The following PIK3C2G variants were observed in gnomAD, a reference collection of about 807,000 sequenced individuals.
The protein encoded by PIK3C2G is phosphatidylinositol 3-kinase C2 domain-containing subunit gamma.
Under a neutral mutation model 181.1 loss-of-function variants are expected in PIK3C2G, and 168 were observed. That is an observed-to-expected ratio of 0.93 (90% CI 0.82 to 1.05). The LOEUF (loss-of-function observed/expected upper bound fraction) is 1.05, where lower values mean the gene tolerates loss of function less well. Among genes scored for constraint, PIK3C2G ranks in the 50% least tolerant of loss-of-function variants. The pLI is 0.00. For synonymous variants in PIK3C2G, 573 were observed against 592.2 expected (o/e 0.97, Z 0.47); for missense variants, 1,869 against 1,732.8 (o/e 1.08, Z -1.40).
the PIK3C2G span, among the ~76,000 whole-genome samples, chr12:18,722,191 C>T: frequency 1.6e-5 from 2 of 122,296 alleles, no homozygotes; most frequent in African/African-American, 3.1e-5. Flanking sequence ...AACTAGGCCT[C>T]CCAGGTCATT....
intron 29 of PIK3C2G, among the ~76,000 whole-genome samples, chr12:18,570,140 C>A (rs180986458): frequency 6.6e-6 from 1 of 151,988 alleles, no homozygotes; most frequent in Non-Finnish European, 1.5e-5. Flanking sequence ...CCATGATCAA[C>A]GGCTCTTCTC....
intron 26 of PIK3C2G, among the ~76,000 whole-genome samples, chr12:18,554,382 T>A (rs1420266487): frequency 6.6e-6 from 1 of 152,084 alleles, no homozygotes; most frequent in East Asian, 1.9e-4. Context: ...CATACCACGC[T>A]ATCAAAGCCC....
intron 29 of PIK3C2G, among the ~76,000 whole-genome samples, chr12:18,592,320 A>T (rs914229726): frequency 6.6e-6 from 1 of 151,946 alleles, no homozygotes; most frequent in East Asian, 1.9e-4. Context: ...TCCACAAAAA[A>T]GTCTCAGAAG....
intron 31 of PIK3C2G, among the ~76,000 whole-genome samples, chr12:18,627,481 T>A (rs1949154389): frequency 6.6e-6 from 1 of 152,132 alleles, no homozygotes; most frequent in Non-Finnish European, 1.5e-5. Context: ...TGTGCATTTG[T>A]GGAGGCAGCC....
intron 12 of PIK3C2G, among the ~76,000 whole-genome samples, chr12:18,365,401 G>A (rs1361088283): frequency 1.3e-5 from 2 of 151,994 alleles, no homozygotes; most frequent in South Asian, 2.1e-4. Context: ...TCTTTTCTCT[G>A]CTCTATAACA....
chr12:18,598,385 A>G (rs1947499368), intron 30 of PIK3C2G, among the ~76,000 whole-genome samples: 1 of 151,808 alleles, frequency 6.6e-6, no homozygotes, highest in Admixed American at 6.6e-5. Flanking sequence ...CCTGAGAAAA[A>G]CAAGCAATGG....
intron 29 of PIK3C2G, among the ~76,000 whole-genome samples, chr12:18,578,567 T>C (rs1207875664): frequency 6.6e-6 from 1 of 152,138 alleles, no homozygotes; most frequent in Admixed American, 6.5e-5. Flanking sequence ...TTGTTTATAT[T>C]CAAGAAATAA....
In PIK3C2G at chr12:18,292,226, AAAT is replaced by A. The variant is rs1484915153; in HGVS notation, c.919+1216_919+1218del. On this transcript the variant is annotated intron_variant, in intron 4 of 32. Transcript: ENST00000538779. ...ACTCCATCTCAAAAAAAAAAAAAAAAAATATATATATATATATATATATATATA... is the reference window on the plus strand; with the variant it reads ...ACTCCATCTCAAAAAAAAAAAAAAAAATATATATATATATATATATATATA... 2.8e-3 allele frequency among the ~76,000 whole-genome samples: 269 copies of A among 96,350 alleles called. 3 individuals carry two copies. In the East Asian group the frequency reaches 0.038, roughly 14 times the overall value. 63.2% of individuals were successfully genotyped at this position (96,350 alleles called of 152,430 possible).
chr12:18,646,036 C>A (rs1053598065), intron 32 of PIK3C2G, among the ~76,000 whole-genome samples: 4 of 152,108 alleles, frequency 2.6e-5, no homozygotes, highest in African/African-American at 9.7e-5. Context: ...AAGGAGTTTA[C>A]TCTGAAGTCC....
chr12:18,262,637 T>C (rs1477258104), intron 1 of PIK3C2G, among the ~76,000 whole-genome samples: 1 of 151,422 alleles, frequency 6.6e-6, no homozygotes, highest in Non-Finnish European at 1.5e-5. Flanking sequence ...AAAGACAACT[T>C]CTACCTCCTA....
At chr12:18,275,766 C>T (rs928050477) in intron 1 of PIK3C2G, among the ~76,000 whole-genome samples, 12 of 152,158 alleles carry the variant, frequency 7.9e-5, no homozygotes, top group Admixed American at 5.9e-4. Flanking sequence ...GTATGGAAAC[C>T]AATTCAAAGA....
At chr12:18,541,279 T>C (rs374341938) in intron 25 of PIK3C2G, among the ~76,000 whole-genome samples, 4 of 152,028 alleles carry the variant, frequency 2.6e-5, no homozygotes, top group African/African-American at 7.2e-5. Flanking sequence ...TCTCCAGATA[T>C]CCATATTGCT....
rs1323074371 is a variant in PIK3C2G, at chr12:18,303,152, C to CTTTTCTT, written c.1034+9139_1034+9140insTTCTTTT. 1.7e-4 allele frequency among the ~76,000 whole-genome samples: 12 copies of CTTTTCTT among 72,704 alleles called. No individual in the cohort carries two copies. In the East Asian group the frequency reaches 4.1e-3, roughly 25 times the overall value. 47.7% of individuals were successfully genotyped at this position (72,704 alleles called of 152,430 possible). A position where few individuals can be genotyped will look rare whatever the true frequency, so the allele number is the denominator to read the frequency against. On this transcript the variant is annotated intron_variant, in intron 5 of 32. Transcript: ENST00000538779. Reference sequence around the variant, plus strand: ...TTTCTTTCTTTCTTTTCTTTTCTTTCTTCTTTCTCTTTCTTTCTTTCTCTT... The same window carrying CTTTTCTT: ...TTTCTTTCTTTCTTTTCTTTTCTTTCTTTTCTTTTCTTTCTCTTTCTTTCTTTCTCTT...
intron 30 of PIK3C2G, among the ~76,000 whole-genome samples, chr12:18,599,771 T>G (rs116008349): frequency 0.016 from 2,406 of 151,934 alleles, 71 homozygotes; most frequent in African/African-American, 0.055. Context: ...ATAGGTATAT[T>G]AGGCAAAGCA....
At chr12:18,711,883 C>T in the PIK3C2G span, among the ~76,000 whole-genome samples, 1 of 151,864 alleles carries the variant, frequency 6.6e-6, no homozygotes, top group Non-Finnish European at 1.5e-5. Flanking sequence ...GAATCAGTGC[C>T]ATACTCTCAA....
intron 1 of PIK3C2G, among the ~76,000 whole-genome samples, chr12:18,276,561 T>C (rs963244013): frequency 1.3e-5 from 2 of 152,218 alleles, no homozygotes; most frequent in Non-Finnish European, 2.9e-5. Flanking sequence ...AATTTTACTT[T>C]TGCTTTTTCC....
At chr12:18,695,663 T>C in the PIK3C2G span, among the ~76,000 whole-genome samples, 1 of 152,072 alleles carries the variant, frequency 6.6e-6, no homozygotes. Flanking sequence ...CCTGGTACTT[T>C]CTGATGGGTT....
At chr12:18,693,440 G>T in the PIK3C2G span, 1 of 1,604,966 alleles carries the variant, frequency 6.2e-7, no homozygotes, top group Non-Finnish European at 8.5e-7. Context: ...CTCCAAGGGG[G>T]TCATTCTCTG....
Position 18,478,498 on chromosome 12 carries a change from T to A in PIK3C2G, c.2505-9951T>A, listed in dbSNP as rs1466084844. On this transcript the variant is annotated intron_variant, in intron 18 of 32. Coordinates refer to ENST00000538779, the MANE Select transcript of PIK3C2G (RefSeq NM_001288772.2). ...TGCCACCCACTGCCATTTGTCTAAA[T>A]AAACCAAGGAGGCCAGACCCTTTGA... 2.6e-5 allele frequency among the ~76,000 whole-genome samples: 4 copies of A among 152,264 alleles called. No individual in the cohort carries two copies. In the East Asian group the frequency reaches 5.8e-4, roughly 22 times the overall value.
Sources: allele counts gnomAD v4.1 joint callset (sites outside exome capture counted in the v4.1 genomes callset), GRCh38; gene constraint gnomAD v4.1.1; transcripts MANE v1.5; gene names NCBI Gene and HGNC (gene_info 2026-07-23, HGNC 2026-07-21).